Variants in TTLL11 observed in about 807,000 individuals in gnomAD.
The protein encoded by TTLL11 is tubulin polyglutamylase TTLL11.
TTLL11 carries 42 observed loss-of-function variants against 51.7 expected under a neutral mutation model. The observed-to-expected ratio is 0.81, with a 90% CI of 0.64 to 1.05. The LOEUF is 1.05. TTLL11 is among the 50% of genes least tolerant of loss of function. The pLI, the probability that TTLL11 is intolerant of heterozygous loss-of-function variation, is 0.00. For synonymous variants in TTLL11, 381 were observed against 383.5 expected (o/e 0.99, Z 0.08); for missense variants, 799 against 940.4 (o/e 0.85, Z 1.97).
rs59290623 is a variant in TTLL11, at chr9:122,066,188, G to GTGT, written c.462+26496_462+26498dup. On this transcript the variant is annotated intron_variant, in intron 1 of 8. Coordinates refer to ENST00000321582, the MANE Select transcript of TTLL11 (RefSeq NM_001139442.2). The stretch of plus-strand genomic sequence containing the variant: ...AAAGGCTGGTGGACTGGGGAGCAGA[G>GTGT]TGTTGTTGTTGTTGTTGTTGTTGTT... Among the ~76,000 whole-genome samples the GTGT allele has an allele frequency of 3.4e-4, 50 of 149,158 alleles. 1 individual carries two copies. The highest frequency in any genetic ancestry group is 7.8e-4 in the East Asian group (4 of 5,122).
At chr9:122,040,261 C>T (rs376218418) in intron 1 of TTLL11, 49 of 740,454 alleles carry the variant, frequency 6.6e-5, no homozygotes, top group East Asian at 3.9e-4. Flanking sequence ...GCCTCAGACC[C>T]GCGTGAGCCT....
chr9:122,076,843 CAAG>C (rs1845874331), intron 1 of TTLL11, among the ~76,000 whole-genome samples: 1 of 151,918 alleles, frequency 6.6e-6, no homozygotes, highest in Non-Finnish European at 1.5e-5. Context: ...CAACAAATCC[CAAG>C]AAGAATAAAT....
At chr9:121,844,245 A>G (rs1333499371) in intron 8 of TTLL11, among the ~76,000 whole-genome samples, 1 of 152,176 alleles carries the variant, frequency 6.6e-6, no homozygotes, top group Non-Finnish European at 1.5e-5. Context: ...GATCCAAGAA[A>G]AAGATTCCAT....
chr9:121,924,018 C>T (rs1840630024), intron 6 of TTLL11, among the ~76,000 whole-genome samples: 1 of 152,164 alleles, frequency 6.6e-6, no homozygotes, highest in South Asian at 2.1e-4. Flanking sequence ...TTCTCTCTTG[C>T]CTGCTGACAT....
At chr9:121,969,420 C>T (rs1475077008) in intron 6 of TTLL11, among the ~76,000 whole-genome samples, 3 of 152,094 alleles carry the variant, frequency 2.0e-5, no homozygotes, top group Non-Finnish European at 4.4e-5. Context: ...CCCTAGGCTA[C>T]AAGACCCAGA....
chr9:122,013,014 G>T (rs1056121925), intron 3 of TTLL11, among the ~76,000 whole-genome samples: 1 of 152,144 alleles, frequency 6.6e-6, no homozygotes, highest in Admixed American at 6.6e-5. Flanking sequence ...AATCTGACCA[G>T]ATTCCAGTTC....
intron 6 of TTLL11, among the ~76,000 whole-genome samples, chr9:121,971,630 T>C (rs1432601077): frequency 5.4e-5 from 7 of 129,258 alleles, no homozygotes; most frequent in African/African-American, 1.7e-4. Context: ...AATAGAAAGG[T>C]GGGAAAGGTG....
chr9:121,999,995 C>T (rs986577278), intron 3 of TTLL11, among the ~76,000 whole-genome samples: 5 of 152,182 alleles, frequency 3.3e-5, no homozygotes, highest in African/African-American at 1.2e-4. Flanking sequence ...GCCCTAAATA[C>T]ATTACTTAGA....
At chr9:121,919,934 A>G (rs193152568) in intron 6 of TTLL11, among the ~76,000 whole-genome samples, 29 of 152,198 alleles carry the variant, frequency 1.9e-4, no homozygotes, top group African/African-American at 6.7e-4. Context: ...TAACACTTTA[A>G]TACTGTTTAA....
intron 6 of TTLL11, 50 bp downstream of exon 6, chr9:121,973,959 G>C: frequency 1.4e-6 from 2 of 1,404,378 alleles, no homozygotes; most frequent in Non-Finnish European, 9.8e-7. Context: ...ATACGAAGCC[G>C]GGTTAGGAGG....
At chr9:122,066,002 G>C (rs1274659553) in intron 1 of TTLL11, among the ~76,000 whole-genome samples, 1 of 152,110 alleles carries the variant, frequency 6.6e-6, no homozygotes, top group Non-Finnish European at 1.5e-5. Flanking sequence ...ATTACAGTTT[G>C]GTTCTCTGGG....
intron 4 of TTLL11, among the ~76,000 whole-genome samples, chr9:121,985,331 G>C (rs778589947): frequency 3.3e-5 from 5 of 152,072 alleles, no homozygotes; most frequent in Admixed American, 6.5e-5. Flanking sequence ...ATGAGGCACA[G>C]AGAAGTTAAG....
chr9:121,842,909 T>C (rs76636963), intron 8 of TTLL11, among the ~76,000 whole-genome samples: 9,010 of 152,282 alleles, frequency 0.059, 740 homozygotes, highest in African/African-American at 0.19. Context: ...GGACACATTA[T>C]TTAACCTCTC....
chr9:121,830,589 A>G (rs1163808222), intron 8 of TTLL11, among the ~76,000 whole-genome samples: 1 of 152,212 alleles, frequency 6.6e-6, no homozygotes, highest in African/African-American at 2.4e-5. Context: ...AGTTATTTTT[A>G]AAAGACTAAT....
chr9:122,044,544 C>T (rs912170770), intron 1 of TTLL11, among the ~76,000 whole-genome samples: 5 of 152,156 alleles, frequency 3.3e-5, no homozygotes, highest in African/African-American at 9.7e-5. Flanking sequence ...TTTTAATGAT[C>T]GCCATTCTAA....
chr9:121,838,564 CA>C (rs1441269749), intron 8 of TTLL11, among the ~76,000 whole-genome samples: 1 of 151,738 alleles, frequency 6.6e-6, no homozygotes, highest in Non-Finnish European at 1.5e-5. Context: ...ACCAAAAATA[CA>C]AAAATTAGCA....
intron 6 of TTLL11, among the ~76,000 whole-genome samples, chr9:121,910,018 T>C (rs1404272135): frequency 6.6e-6 from 1 of 152,144 alleles, no homozygotes; most frequent in East Asian, 1.9e-4. Flanking sequence ...CCTCGCTGGA[T>C]CCTCAAGGCA....
chr9:122,058,463 A>G lies in TTLL11; in HGVS notation c.463-19095T>C, dbSNP rs546755930. ...AGGCAAGGATTTAACAATAACGTTC[A>G]TGTCCACCTCACCACAGGGGAAAGG... is the stretch of plus-strand genomic sequence containing the variant. On this transcript the variant is annotated intron_variant, in intron 1 of 8. Coordinates refer to ENST00000321582, the MANE Select transcript of TTLL11 (RefSeq NM_001139442.2). Among the ~76,000 whole-genome samples, 35 of 152,316 alleles carry G rather than the reference A, an allele frequency of 2.3e-4. No homozygotes were observed. In the South Asian group the frequency reaches 7.3e-3, roughly 32 times the overall value.
intron 3 of TTLL11, among the ~76,000 whole-genome samples, chr9:121,994,254 G>A (rs193264207): frequency 6.6e-6 from 1 of 152,268 alleles, no homozygotes; most frequent in East Asian, 1.9e-4. Flanking sequence ...GCAGGAGCGG[G>A]CAGGACACTT....
Sources: gnomAD v4.1 joint callset for allele counts (sites outside exome capture counted in the v4.1 genomes callset) on GRCh38, gnomAD v4.1.1 for gene constraint, MANE v1.5 for transcripts, NCBI Gene and HGNC (gene_info 2026-07-23, HGNC 2026-07-21) for gene names.